Variants in HNRNPC observed in about 807,000 individuals in gnomAD.
The protein encoded by HNRNPC is heterogeneous nuclear ribonucleoproteins C1/C2.
In HNRNPC, 3 loss-of-function variants were observed where a neutral mutation model predicts 33.2. The ratio of observed to expected loss-of-function variants is 0.09; its 90% CI spans 0.04 to 0.23. The LOEUF (loss-of-function observed/expected upper bound fraction) is 0.23. Ranked by LOEUF, HNRNPC falls within the 10% of genes least tolerant of loss-of-function variation. The pLI is 1.00. For synonymous variants in HNRNPC, 121 were observed against 126.7 expected (o/e 0.96, Z 0.30); for missense variants, 143 against 366.7 (o/e 0.39, Z 4.98).
intron 5 of HNRNPC, 113 bp from the exon 6 acceptor site, chr14:21,213,230 T>C (rs1368487929): frequency 2.1e-5 from 23 of 1,114,478 alleles, no homozygotes; most frequent in Non-Finnish European, 2.6e-5. Flanking sequence ...TTTCCTTTTA[T>C]TAAATTTCAT....
At chr14:21,240,793 C>T (rs1255087155) in intron 2 of HNRNPC, among the ~76,000 whole-genome samples, 1 of 152,162 alleles carries the variant, frequency 6.6e-6, no homozygotes, top group East Asian at 1.9e-4. Flanking sequence ...GCCACCTCTC[C>T]ACATGGGTTA....
chr14:21,215,269 G>A (rs1281520069), intron 5 of HNRNPC, among the ~76,000 whole-genome samples: 3 of 152,068 alleles, frequency 2.0e-5, no homozygotes, highest in Admixed American at 1.3e-4. Flanking sequence ...TGTTGAGGAC[G>A]GTAAGTGTGA....
At chr14:21,220,549 T>A (rs1245751008) in intron 5 of HNRNPC, among the ~76,000 whole-genome samples, 1 of 152,192 alleles carries the variant, frequency 6.6e-6, no homozygotes. Context: ...ATTATAGTAT[T>A]CCTGCTATAT....
At chr14:21,242,806 G>C (rs1895516793) in intron 2 of HNRNPC, among the ~76,000 whole-genome samples, 1 of 152,146 alleles carries the variant, frequency 6.6e-6, no homozygotes, top group African/African-American at 2.4e-5. Context: ...TATCTTTCTA[G>C]AATCTATATA....
intron 3 of HNRNPC, among the ~76,000 whole-genome samples, chr14:21,231,931 A>C (rs1191116350): frequency 6.6e-6 from 1 of 152,228 alleles, no homozygotes. Context: ...GAAGTGTGAC[A>C]ACCTCAAATC....
intron 3 of HNRNPC, among the ~76,000 whole-genome samples, chr14:21,231,929 A>G (rs1430821493): frequency 6.6e-6 from 1 of 152,230 alleles, no homozygotes; most frequent in Non-Finnish European, 1.5e-5. Context: ...GTGAAGTGTG[A>G]CAACCTCAAA....
At chr14:21,268,682 G>A (rs1030882087) in intron 1 of HNRNPC, 1 of 152,154 alleles carries the variant, frequency 6.6e-6, no homozygotes, top group Non-Finnish European at 1.5e-5. Flanking sequence ...CAGATGAAAA[G>A]TCAGCTGTAA....
intron 2 of HNRNPC, among the ~76,000 whole-genome samples, chr14:21,253,461 C>CAAAAAA (rs71112561): frequency 1.7e-4 from 13 of 77,250 alleles, no homozygotes; most frequent in African/African-American, 2.1e-4. Flanking sequence ...GACTCCATCT[C>CAAAAAA]AAAAAAAAAA....
Position 21,212,952 on chromosome 14 carries a change from A to C in HNRNPC, c.523+8T>G. The stretch of plus-strand genomic sequence containing the variant: ...GATACCAAAATCACAAAATGAAATA[A>C]TACATACACTTTCCAGACTTGGAAG... On this transcript the variant is annotated splice_region_variant and intron_variant, in intron 6 of 8. Coordinates refer to ENST00000553300, the MANE Select transcript of HNRNPC (RefSeq NM_004500.4). 1 of 1,613,226 alleles carries C rather than the reference A, an allele frequency of 6.2e-7. No homozygotes were observed. The highest frequency in any genetic ancestry group is 8.5e-7 in the Non-Finnish European group (1 of 1,179,416).
At chr14:21,213,608 C>T (rs1230233854) in intron 5 of HNRNPC, among the ~76,000 whole-genome samples, 2 of 152,050 alleles carry the variant, frequency 1.3e-5, no homozygotes, top group Non-Finnish European at 2.9e-5. Context: ...CAGAAGCACA[C>T]GAATTATTAC....
chr14:21,229,748 A>G lies in HNRNPC; in HGVS notation c.365+571T>C, dbSNP rs1048826831. ...GACTGAATTGTTATATACAGTAATA[A>G]CATTAAAATACTAATGACTGGAATA... On this transcript the variant is annotated intron_variant, in intron 5 of 8. Transcript: ENST00000553300. 2.0e-5 allele frequency among the ~76,000 whole-genome samples: 3 copies of G among 152,210 alleles called. No homozygotes were observed. The East Asian group carries it at 5.8e-4, about 29-fold the overall frequency.
intron 3 of HNRNPC, 112 bp from the exon 4 acceptor site, chr14:21,231,184 G>A: frequency 2.0e-6 from 2 of 1,019,776 alleles, no homozygotes; most frequent in South Asian, 2.9e-5. Context: ...GCTCAGGCTG[G>A]AGTGCAGTGG....
chr14:21,244,732 T>C (rs1162663558), intron 2 of HNRNPC, among the ~76,000 whole-genome samples: 9 of 152,186 alleles, frequency 5.9e-5, no homozygotes, highest in South Asian at 2.1e-4. Flanking sequence ...CCAAGCTAGA[T>C]AGTGTAGCCT....
At chr14:21,255,321 G>C (rs1876982037) in intron 2 of HNRNPC, among the ~76,000 whole-genome samples, 1 of 152,130 alleles carries the variant, frequency 6.6e-6, no homozygotes, top group African/African-American at 2.4e-5. Context: ...GAATATTTCA[G>C]ACTGGTAAAG....
At chr14:21,214,650 G>A (rs1594196458) in intron 5 of HNRNPC, among the ~76,000 whole-genome samples, 1 of 152,196 alleles carries the variant, frequency 6.6e-6, no homozygotes, top group East Asian at 1.9e-4. Context: ...ATCCATTCAT[G>A]GGAATTAATG....
At chr14:21,267,974 G>A (rs1156258961) in intron 1 of HNRNPC, among the ~76,000 whole-genome samples, 2 of 152,082 alleles carry the variant, frequency 1.3e-5, no homozygotes, top group Non-Finnish European at 2.9e-5. Flanking sequence ...CGATGTTTTT[G>A]ACCCTTATTT....
chr14:21,238,946 G>A (rs78704480), intron 2 of HNRNPC, among the ~76,000 whole-genome samples: 80 of 152,242 alleles, frequency 5.3e-4, no homozygotes, highest in African/African-American at 1.9e-3. Context: ...GGCCAACATG[G>A]TGAAACCCCA....
intron 5 of HNRNPC, among the ~76,000 whole-genome samples, chr14:21,226,741 G>A (rs903279220): frequency 2.0e-5 from 3 of 151,874 alleles, no homozygotes; most frequent in African/African-American, 7.3e-5. Flanking sequence ...TTAGTTGTGT[G>A]TGGTGGTGCA....
At chr14:21,224,101 C>A (rs537610484) in intron 5 of HNRNPC, among the ~76,000 whole-genome samples, 1 of 152,178 alleles carries the variant, frequency 6.6e-6, no homozygotes, top group East Asian at 1.9e-4. Flanking sequence ...TATAAACAAA[C>A]CCATCTCTCA....
Sources: allele counts gnomAD v4.1 joint callset (sites outside exome capture counted in the v4.1 genomes callset), GRCh38; gene constraint gnomAD v4.1.1; transcripts MANE v1.5; gene names NCBI Gene and HGNC (gene_info 2026-07-23, HGNC 2026-07-21).